GRIN2A: variants seen among roughly 807,000 people sequenced by gnomAD.
GRIN2A encodes glutamate ionotropic receptor NMDA type subunit 2A.
GRIN2A carries 22 observed loss-of-function variants against 113.4 expected under a neutral mutation model. The observed-to-expected ratio is 0.19, with a 90% CI of 0.14 to 0.28. The LOEUF is 0.28. Among genes scored for constraint, GRIN2A ranks in the 10% least tolerant of loss-of-function variants. The probability of loss-of-function intolerance (pLI) is 1.00; values close to 1 mark genes in which losing one functional copy is unlikely to be tolerated. For missense variants in GRIN2A, 1,502 were observed against 1,887.0 expected, an observed-to-expected ratio of 0.80 and a Z score of 3.78; for synonymous variants, 827 against 738.4, an observed-to-expected ratio of 1.12 and a Z score of -1.94.
intron 11 of GRIN2A, among the ~76,000 whole-genome samples, chr16:9,798,043 T>C (rs555011031): frequency 2.0e-5 from 3 of 152,302 alleles, no homozygotes; most frequent in Admixed American, 2.0e-4. Context: ...CTTTCCTAAA[T>C]CCCCTGAGAG....
chr16:10,157,528 G>A (rs988588256), intron 2 of GRIN2A, among the ~76,000 whole-genome samples: 3 of 152,308 alleles, frequency 2.0e-5, no homozygotes, highest in African/African-American at 7.2e-5. Context: ...CTGCATGGCT[G>A]GGGAGGCCTC....
At chr16:10,134,643 T>C (rs931255044) in intron 2 of GRIN2A, among the ~76,000 whole-genome samples, 1 of 152,042 alleles carries the variant, frequency 6.6e-6, no homozygotes, top group Non-Finnish European at 1.5e-5. Flanking sequence ...AAAAAAAAAA[T>C]TTAGGGAGTG....
intron 2 of GRIN2A, among the ~76,000 whole-genome samples, chr16:10,158,321 T>A (rs2049745038): frequency 6.6e-6 from 1 of 152,188 alleles, no homozygotes; most frequent in South Asian, 2.1e-4. Context: ...TATTTTAAGA[T>A]GTAAAGAAAA....
At chr16:10,121,363 G>T (rs2048829015) in intron 2 of GRIN2A, 1 of 152,106 alleles carries the variant, frequency 6.6e-6, no homozygotes, top group Admixed American at 6.6e-5. Context: ...GATAACTCTT[G>T]GTCCTCAAGC....
chr16:9,953,574 G>C (rs2045232827), intron 2 of GRIN2A, among the ~76,000 whole-genome samples: 1 of 152,056 alleles, frequency 6.6e-6, no homozygotes, highest in Non-Finnish European at 1.5e-5. Flanking sequence ...AGATTTAGAA[G>C]TTGTCTATCT....
chr16:9,794,811 C>T (rs1902865966), intron 11 of GRIN2A: 4 of 152,308 alleles, frequency 2.6e-5, no homozygotes, highest in South Asian at 2.1e-4. Context: ...CTGTTTAGCA[C>T]CACAAAAGTT....
intron 2 of GRIN2A, among the ~76,000 whole-genome samples, chr16:9,974,623 G>C (rs1027022737): frequency 6.6e-6 from 1 of 152,168 alleles, no homozygotes; most frequent in African/African-American, 2.4e-5. Context: ...CGTGTCTGAG[G>C]AGTTTTGTCT....
chr16:9,866,137 A>C (rs2043156873), intron 4 of GRIN2A, among the ~76,000 whole-genome samples: 2 of 152,228 alleles, frequency 1.3e-5, no homozygotes, highest in African/African-American at 2.4e-5. Context: ...CCAGTGAGGA[A>C]GATAAAATAC....
At chr16:10,107,184 T>C (rs145253724) in intron 2 of GRIN2A, among the ~76,000 whole-genome samples, 3 of 152,204 alleles carry the variant, frequency 2.0e-5, no homozygotes, top group East Asian at 3.9e-4. Context: ...AGGGAAGTTC[T>C]TTCTGTATTT....
intron 3 of GRIN2A, among the ~76,000 whole-genome samples, chr16:9,931,954 C>G (rs1372085606): frequency 6.6e-6 from 1 of 152,196 alleles, no homozygotes. Context: ...TTGAACCAAG[C>G]CCCAAATAGG....
intron 3 of GRIN2A, among the ~76,000 whole-genome samples, chr16:9,904,482 A>T (rs1450189385): frequency 6.6e-6 from 1 of 151,892 alleles, no homozygotes; most frequent in Non-Finnish European, 1.5e-5. Flanking sequence ...AGCAATTCTC[A>T]TGTCTCTGTC....
At chr16:9,911,298 G>T (rs2044130818) in intron 3 of GRIN2A, among the ~76,000 whole-genome samples, 1 of 152,098 alleles carries the variant, frequency 6.6e-6, no homozygotes, top group African/African-American at 2.4e-5. Context: ...ACCAGCTTGG[G>T]TAACATAGAG....
chr16:9,969,756 C>T (rs2045634113), intron 2 of GRIN2A, among the ~76,000 whole-genome samples: 1 of 152,168 alleles, frequency 6.6e-6, no homozygotes, highest in Admixed American at 6.5e-5. Flanking sequence ...TGACTGGCAC[C>T]CAGTGGGTAA....
intron 3 of GRIN2A, among the ~76,000 whole-genome samples, chr16:9,931,447 A>G (rs1197470466): frequency 6.6e-6 from 1 of 152,220 alleles, no homozygotes; most frequent in African/African-American, 2.4e-5. Context: ...AGAGATGTCT[A>G]TCTTACACAC....
chr16:9,944,597 A>T (rs934273627), intron 2 of GRIN2A, among the ~76,000 whole-genome samples: 6 of 152,174 alleles, frequency 3.9e-5, no homozygotes, highest in Non-Finnish European at 1.5e-5. Context: ...TAAAGATTTT[A>T]ATCTGGATCG....
chr16:9,799,207 A>C (rs548215135), intron 10 of GRIN2A, among the ~76,000 whole-genome samples: 1 of 152,350 alleles, frequency 6.6e-6, no homozygotes, highest in Non-Finnish European at 1.5e-5. Flanking sequence ...ATGGGGCTGC[A>C]CTGTGTCCAC....
intron 11 of GRIN2A, among the ~76,000 whole-genome samples, chr16:9,795,907 A>G (rs1902956040): frequency 6.6e-6 from 1 of 152,240 alleles, no homozygotes; most frequent in African/African-American, 2.4e-5. Context: ...AGAATTAAAT[A>G]TAACAACAGT....
chr16:10,016,699 A>G (rs1222805674), intron 2 of GRIN2A, among the ~76,000 whole-genome samples: 1 of 152,186 alleles, frequency 6.6e-6, no homozygotes, highest in Non-Finnish European at 1.5e-5. Context: ...CTGGGTGATT[A>G]TTCATGCACT....
chr16:9,887,865 C>T lies in GRIN2A; in HGVS notation c.1122+3121G>A, dbSNP rs566368323. ...CTTGAGGTCAAGAGTCTGAGACCAG[C>T]CTGGCCAACATGGTGCAACTATCTC... On this transcript the variant is annotated intron_variant, in intron 4 of 12. Transcript: ENST00000330684. Among the ~76,000 whole-genome samples, 26 of 152,222 alleles carry T rather than the reference C, an allele frequency of 1.7e-4. 1 individual carries two copies. The South Asian group carries it at 5.2e-3, about 30-fold the overall frequency.
Sources: gnomAD v4.1 joint callset for allele counts (sites outside exome capture counted in the v4.1 genomes callset) on GRCh38, gnomAD v4.1.1 for gene constraint, MANE v1.5 for transcripts, NCBI Gene and HGNC (gene_info 2026-07-23, HGNC 2026-07-21) for gene names.